PTPRD: variants seen among roughly 807,000 people sequenced by gnomAD.
PTPRD encodes the protein receptor-type tyrosine-protein phosphatase delta.
In PTPRD, 34 loss-of-function variants were observed where a neutral mutation model predicts 214.5. The ratio of observed to expected loss-of-function variants is 0.16; its 90% CI spans 0.12 to 0.21. PTPRD has a LOEUF of 0.21. Ranked by LOEUF, PTPRD falls within the 10% of genes least tolerant of loss-of-function variation. PTPRD has a pLI of 1.00. For missense variants in PTPRD, 2,545 were observed against 2,398.7 expected (o/e 1.06, Z -1.27); for synonymous variants, 1,128 against 845.7 (o/e 1.33, Z -5.79).
intron 9 of PTPRD, among the ~76,000 whole-genome samples, chr9:9,239,198 GAA>G (rs34214521): frequency 3.6e-5 from 5 of 137,136 alleles, no homozygotes; most frequent in African/African-American, 8.0e-5. Flanking sequence ...ATGACTGTCT[GAA>G]AAAAAAAAAA....
At chr9:8,784,886 C>A (rs1341393575) in intron 11 of PTPRD, among the ~76,000 whole-genome samples, 1 of 152,118 alleles carries the variant, frequency 6.6e-6, no homozygotes, top group African/African-American at 2.4e-5. Context: ...GCACTGCGAG[C>A]CCCTCAAAAA....
intron 3 of PTPRD, among the ~76,000 whole-genome samples, chr9:10,261,405 T>G (rs763436851): frequency 3.3e-5 from 5 of 151,844 alleles, no homozygotes; most frequent in African/African-American, 4.8e-5. Flanking sequence ...CCTGGTGGAG[T>G]TCAATTGAAA....
intron 3 of PTPRD, among the ~76,000 whole-genome samples, chr9:10,265,894 T>A: frequency 6.6e-6 from 1 of 152,154 alleles, no homozygotes; most frequent in East Asian, 1.9e-4. Flanking sequence ...ATTACAGTAA[T>A]CTAGTTTATG....
chr9:10,217,502 T>A (rs1022653291), intron 3 of PTPRD, among the ~76,000 whole-genome samples: 2 of 151,916 alleles, frequency 1.3e-5, no homozygotes, highest in African/African-American at 4.8e-5. Context: ...AGTACACATT[T>A]AAAATTGATC....
chr9:9,422,420 A>T (rs1165893857), intron 8 of PTPRD, among the ~76,000 whole-genome samples: 1 of 152,166 alleles, frequency 6.6e-6, no homozygotes, highest in Non-Finnish European at 1.5e-5. Context: ...ACCTGCTTAG[A>T]GCTACTAGAA....
At chr9:9,864,322 G>C (rs2063460581) in intron 5 of PTPRD, among the ~76,000 whole-genome samples, 1 of 146,006 alleles carries the variant, frequency 6.8e-6, no homozygotes, top group African/African-American at 2.7e-5. Context: ...AAGAAAAAGA[G>C]AAAGATTAAA....
chr9:10,173,516 A>C (rs547900823), intron 3 of PTPRD, among the ~76,000 whole-genome samples: 1 of 152,160 alleles, frequency 6.6e-6, no homozygotes, highest in Non-Finnish European at 1.5e-5. Flanking sequence ...TAATGTCCCC[A>C]AATTTCCACA....
At chr9:10,358,286 G>T (rs10121549) in intron 2 of PTPRD, among the ~76,000 whole-genome samples, 1 of 151,722 alleles carries the variant, frequency 6.6e-6, no homozygotes, top group Admixed American at 6.6e-5. Context: ...ACAGAACTAA[G>T]CATCTTTAAT....
intron 5 of PTPRD, among the ~76,000 whole-genome samples, chr9:9,809,718 G>GA (rs2046548744): frequency 6.6e-6 from 1 of 152,132 alleles, no homozygotes; most frequent in African/African-American, 2.4e-5. Flanking sequence ...AGAAGAGAAG[G>GA]AAAAGGGAAA....
intron 11 of PTPRD, among the ~76,000 whole-genome samples, chr9:8,958,560 G>C (rs2099143441): frequency 1.3e-5 from 2 of 151,902 alleles, no homozygotes. Flanking sequence ...CTACATCAAT[G>C]ATTGACTCAG....
At chr9:9,994,999 T>A (rs1488175388) in intron 4 of PTPRD, among the ~76,000 whole-genome samples, 5 of 152,106 alleles carry the variant, frequency 3.3e-5, no homozygotes, top group African/African-American at 1.2e-4. Context: ...AACAGGTACA[T>A]TTACATATAT....
chr9:10,409,432 C>G (rs1438197996), intron 2 of PTPRD, among the ~76,000 whole-genome samples: 1 of 151,684 alleles, frequency 6.6e-6, no homozygotes, highest in Non-Finnish European at 1.5e-5. Flanking sequence ...TCATTGTTAT[C>G]ACATCACTCA....
intron 5 of PTPRD, among the ~76,000 whole-genome samples, chr9:9,795,818 T>C (rs1027709511): frequency 2.6e-5 from 4 of 152,102 alleles, no homozygotes; most frequent in East Asian, 1.9e-4. Flanking sequence ...CTTCTGACAA[T>C]GTCTGGGAGT....
At position 8,337,753 on chromosome 9, in the gene PTPRD, T is replaced by C. The variant is rs374262795; in HGVS notation, c.5379+1169A>G. ...GTGCATGTGTGGAATAGGAAAGGTG[T>C]CTCTGCCATTGGTGGGGCCTGGTGC... is the stretch of plus-strand genomic sequence containing the variant. On this transcript the variant is annotated intron_variant, in intron 43 of 45. Coordinates refer to ENST00000381196, the MANE Select transcript of PTPRD (RefSeq NM_002839.4). Among the ~76,000 whole-genome samples, 35 of 152,162 alleles carry C rather than the reference T, an allele frequency of 2.3e-4. 1 individual carries two copies. In the South Asian group the frequency reaches 5.8e-3, roughly 25 times the overall value.
At position 8,920,478 on chromosome 9, in the gene PTPRD, T is replaced by C. The variant is rs534116736; in HGVS notation, c.-104+98219A>G. Reference sequence around the variant, plus strand: ...ATTAATAAACAAACCCAGCCCTTCCTCTAAGCCAGGGGTATCCAATCTTTT... The same window carrying C: ...ATTAATAAACAAACCCAGCCCTTCCCCTAAGCCAGGGGTATCCAATCTTTT... On this transcript the variant is annotated intron_variant, in intron 11 of 45. Coordinates refer to ENST00000381196, the MANE Select transcript of PTPRD (RefSeq NM_002839.4). Among the ~76,000 whole-genome samples, 86 of 152,312 alleles carry C rather than the reference T, an allele frequency of 5.6e-4. 1 individual carries two copies. Among genetic ancestry groups the C allele is most frequent in the Middle Eastern group, 6.8e-3 (2 of 294 alleles).
intron 2 of PTPRD, among the ~76,000 whole-genome samples, chr9:10,358,295 A>G (rs957277820): frequency 9.2e-5 from 14 of 152,058 alleles, no homozygotes; most frequent in African/African-American, 2.9e-4. Context: ...AGCATCTTTA[A>G]TCATGCTAAT....
chr9:8,982,036 A>G (rs1270607854), intron 11 of PTPRD, among the ~76,000 whole-genome samples: 1 of 152,048 alleles, frequency 6.6e-6, no homozygotes, highest in Admixed American at 6.6e-5. Context: ...AAAATTTGTA[A>G]CTTAATAGGG....
intron 2 of PTPRD, among the ~76,000 whole-genome samples, chr9:10,552,676 G>C (rs957453337): frequency 2.0e-5 from 3 of 152,058 alleles, no homozygotes; most frequent in Non-Finnish European, 2.9e-5. Context: ...GAATGCAAGA[G>C]GAGCACTGCA....
chr9:8,776,362 G>C (rs986910944), intron 11 of PTPRD, among the ~76,000 whole-genome samples: 10 of 152,140 alleles, frequency 6.6e-5, no homozygotes, highest in Non-Finnish European at 1.3e-4. Context: ...GAGTGCAATG[G>C]TGCAATCTTG....
Sources: gnomAD v4.1 joint callset for allele counts (sites outside exome capture counted in the v4.1 genomes callset) on GRCh38, gnomAD v4.1.1 for gene constraint, MANE v1.5 for transcripts, NCBI Gene and HGNC (gene_info 2026-07-23, HGNC 2026-07-21) for gene names.